The following FLT1 variants were observed in gnomAD, a reference collection of about 807,000 sequenced individuals.
FLT1 encodes fms related receptor tyrosine kinase 1.
In FLT1, 49 loss-of-function variants were observed where a neutral mutation model predicts 156.3. The ratio of observed to expected loss-of-function variants is 0.31; its 90% CI spans 0.25 to 0.40. The LOEUF is 0.40. FLT1 is among the 10% of genes least tolerant of loss of function. FLT1 has a pLI of 1.00. For missense variants in FLT1, 1,322 were observed against 1,637.2 expected, an observed-to-expected ratio of 0.81 and a Z score of 3.32; for synonymous variants, 594 against 583.8, an observed-to-expected ratio of 1.02 and a Z score of -0.25.
In FLT1 at chr13:28,302,373, C is replaced by T. The variant is rs986980629; in HGVS notation, c.*794G>A. The T allele has an allele frequency of 2.6e-5, 6 of 233,190 alleles. No homozygotes were observed. Among genetic ancestry groups the T allele is most frequent in the Non-Finnish European group, 4.2e-5 (5 of 118,076 alleles). 14.4% of individuals were successfully genotyped at this position (233,190 alleles called of 1,614,324 possible). ...GTATGGGCTCAGAGTTGAGTGCCAC[C>T]CTCAGTGCTACAAATCAAAACATGC... On this transcript the variant is annotated 3_prime_UTR_variant, in exon 30 of 30. Coordinates refer to ENST00000282397, the MANE Select transcript of FLT1 (RefSeq NM_002019.4).
At chr13:28,467,887 A>G (rs675923) in intron 1 of FLT1, among the ~76,000 whole-genome samples, 21,234 of 152,116 alleles carry the variant, frequency 0.14, 2,611 homozygotes, top group African/African-American at 0.33. Flanking sequence ...GTAGAATGGT[A>G]ATGGATTCAT....
At chr13:28,310,646 T>C (rs1870963159) in intron 27 of FLT1, among the ~76,000 whole-genome samples, 1 of 152,182 alleles carries the variant, frequency 6.6e-6, no homozygotes, top group Non-Finnish European at 1.5e-5. Context: ...TACATATTTG[T>C]TCCCTTGCCT....
At chr13:28,403,983 C>T (rs552604957) in intron 11 of FLT1, among the ~76,000 whole-genome samples, 9 of 150,716 alleles carry the variant, frequency 6.0e-5, no homozygotes, top group East Asian at 3.9e-4. Context: ...CAGACGTTGC[C>T]GTGAGCTGAG....
In FLT1 at chr13:28,404,969, G is replaced by A. The variant is rs529718916; in HGVS notation, c.1551+811C>T. Among the ~76,000 whole-genome samples, 201 of 148,766 alleles carry A rather than the reference G, an allele frequency of 1.4e-3. 3 individuals are homozygous for A. The highest frequency in any genetic ancestry group is 0.01 in the Middle Eastern group (3 of 290). On this transcript the variant is annotated intron_variant, in intron 11 of 29. Transcript: ENST00000282397. ...CAGGAGGCAGAGGTTGCAGTGAGCC[G>A]AGATCACGCCATCGCACTCCAGCCT...
chr13:28,396,521 T>TC (rs1875054965), intron 12 of FLT1, among the ~76,000 whole-genome samples: 1 of 152,124 alleles, frequency 6.6e-6, no homozygotes, highest in Non-Finnish European at 1.5e-5. Context: ...AGAGCCTCAT[T>TC]CCCCAAAAAG....
intron 14 of FLT1, among the ~76,000 whole-genome samples, chr13:28,361,184 CAGA>C (rs1873101137): frequency 6.6e-6 from 1 of 151,816 alleles, no homozygotes; most frequent in South Asian, 2.1e-4. Flanking sequence ...GAGGCTGAGG[CAGA>C]AGAATTGCTT....
At chr13:28,404,606 T>C (rs1363859513) in intron 11 of FLT1, among the ~76,000 whole-genome samples, 7 of 152,224 alleles carry the variant, frequency 4.6e-5, no homozygotes, top group Admixed American at 4.6e-4. Context: ...ATAGATGACA[T>C]AAGCATACCC....
chr13:28,429,499 G>A (rs1443693643), intron 8 of FLT1, among the ~76,000 whole-genome samples: 1 of 152,054 alleles, frequency 6.6e-6, no homozygotes, highest in Non-Finnish European at 1.5e-5. Flanking sequence ...GCTGAAGGAG[G>A]TTTTGAATAT....
chr13:28,387,178 G>A (rs983040745), intron 13 of FLT1: 7 of 1,035,134 alleles, frequency 6.8e-6, no homozygotes, highest in East Asian at 6.0e-5. Flanking sequence ...GCTGCAGAAC[G>A]TACATGGGAC....
chr13:28,382,944 C>A (rs1341760711), intron 14 of FLT1, among the ~76,000 whole-genome samples: 1 of 152,078 alleles, frequency 6.6e-6, no homozygotes, highest in Admixed American at 6.5e-5. Context: ...GCATCAAACT[C>A]AAATGGAGGT....
chr13:28,305,520 T>C (rs888852492), intron 29 of FLT1, among the ~76,000 whole-genome samples: 7 of 152,348 alleles, frequency 4.6e-5, no homozygotes, highest in African/African-American at 1.7e-4. Context: ...CATGGTAGTC[T>C]TGATTTGTAT....
chr13:28,373,862 A>G (rs928310620), intron 14 of FLT1, among the ~76,000 whole-genome samples: 6 of 152,076 alleles, frequency 3.9e-5, no homozygotes, highest in African/African-American at 9.7e-5. Context: ...GATGTCCCCA[A>G]ATCTCTTTGT....
Position 28,390,049 on chromosome 13 carries a change from G to T in FLT1, c.1716C>A (p.Asp572Glu), listed in dbSNP as rs747004871. Reference sequence around the variant, plus strand: ...TGTTAACTGTGCAAGACAGTTTCAGGTCCTCTCCTTCCGTCGGCATTTTTT... The same window carrying T: ...TGTTAACTGTGCAAGACAGTTTCAGTTCCTCTCCTTCCGTCGGCATTTTTT... ...NLEKMPTEGE[D>E]LKLSCTVNKF... Residue 572 changes from aspartate (D) to glutamate (E), a missense_variant, in exon 13 of 30, where the codon GAC becomes GAA. Physicochemically the swap from Asp to Glu is conservative, Grantham distance 45. This residue lies in a region of FLT1 where 991 missense variants were observed against 1,254.8 expected (regional missense o/e 0.79). Transcript: ENST00000282397. 5.0e-6 allele frequency: 8 copies of T among 1,614,122 alleles called. No homozygotes were observed. In the South Asian group the frequency reaches 8.8e-5, roughly 18 times the overall value.
At chr13:28,451,727 C>T (rs145195117) in intron 3 of FLT1, among the ~76,000 whole-genome samples, 239 of 152,320 alleles carry the variant, frequency 1.6e-3, no homozygotes, top group African/African-American at 5.6e-3. Flanking sequence ...TGCGCCACCA[C>T]GGGACTCTCT....
chr13:28,436,489 G>C (rs1878028835), intron 4 of FLT1, among the ~76,000 whole-genome samples: 1 of 152,148 alleles, frequency 6.6e-6, no homozygotes, highest in Non-Finnish European at 1.5e-5. Context: ...GTGCACTCCA[G>C]ATCGTAGGCA....
At position 28,389,843 on chromosome 13, in the gene FLT1, A is replaced by G; in HGVS notation, c.1922T>C (p.Val641Ala). ...SGTYACRARN[V>A]YTGEEILQKK... ...CTGGAGGATTTCTTCCCCTGTGTAT[A>G]CATTCCTGGCTCTGCAGGCATAGGT... Residue 641 changes from valine to alanine, a missense_variant, in exon 13 of 30, where the codon GTA becomes GCA. Coordinates refer to ENST00000282397, the MANE Select transcript of FLT1 (RefSeq NM_002019.4). 1 of 1,614,168 alleles carries G rather than the reference A, an allele frequency of 6.2e-7. No homozygotes were observed. Among genetic ancestry groups the G allele is most frequent in the Non-Finnish European group, 8.5e-7 (1 of 1,180,008 alleles).
intron 7 of FLT1, among the ~76,000 whole-genome samples, 179 bp downstream of exon 7, chr13:28,430,956 TG>T (rs1877641928): frequency 6.6e-6 from 1 of 152,206 alleles, no homozygotes; most frequent in Non-Finnish European, 1.5e-5. Flanking sequence ...AAGTATTAAA[TG>T]TAAAGAGTAC....
intron 3 of FLT1, among the ~76,000 whole-genome samples, chr13:28,466,450 A>G (rs535109421): frequency 1.1e-4 from 17 of 152,232 alleles, no homozygotes; most frequent in Non-Finnish European, 2.5e-4. Context: ...AACCAGTTAT[A>G]TAACACTCGA....
chr13:28,336,593 C>T (rs986310072), intron 17 of FLT1, among the ~76,000 whole-genome samples: 2 of 152,204 alleles, frequency 1.3e-5, no homozygotes, highest in Non-Finnish European at 2.9e-5. Flanking sequence ...CCGTCTCTGG[C>T]ATTCAGGGCT....
Sources: gnomAD v4.1 joint callset for allele counts (sites outside exome capture counted in the v4.1 genomes callset) on GRCh38, gnomAD v4.1.1 for gene constraint, gnomAD v4.1.1 regional missense constraint, MANE v1.5 for transcripts, NCBI Gene and HGNC (gene_info 2026-07-23, HGNC 2026-07-21) for gene names.